Variants in NALF1 observed in about 807,000 individuals in gnomAD.
NALF1 encodes family with sequence similarity 155 member A.
Under a neutral mutation model 48.4 loss-of-function variants are expected in NALF1, and 3 were observed. That is an observed-to-expected ratio of 0.06 (90% CI 0.03 to 0.16). The LOEUF is 0.16. Among genes scored for constraint, NALF1 ranks in the 10% least tolerant of loss-of-function variants. The pLI is 1.00. For missense variants in NALF1, 526 were observed against 571.5 expected (o/e 0.92, Z 0.81); for synonymous variants, 262 against 245.7 (o/e 1.07, Z -0.62).
chr13:107,764,487 C>A (rs1348890755), intron 1 of NALF1, among the ~76,000 whole-genome samples: 1 of 151,986 alleles, frequency 6.6e-6, no homozygotes, highest in Non-Finnish European at 1.5e-5. Context: ...AGGAAGACTT[C>A]GGCATGAATA....
At chr13:107,299,435 CAATAATAATAAT>C (rs549026613) in intron 1 of NALF1, among the ~76,000 whole-genome samples, 4 of 124,146 alleles carry the variant, frequency 3.2e-5, no homozygotes, top group African/African-American at 1.1e-4. Flanking sequence ...GACTTTGTCT[CAATAATAATAAT>C]AATAATAATA....
intron 1 of NALF1, among the ~76,000 whole-genome samples, chr13:107,385,319 G>A (rs916389241): frequency 3.9e-5 from 6 of 152,196 alleles, no homozygotes; most frequent in Admixed American, 2.0e-4. Context: ...TTGGGAGGCC[G>A]AGGAGGGTGG....
chr13:107,345,084 TACAC>T (rs748499216), intron 1 of NALF1, among the ~76,000 whole-genome samples: 1 of 150,188 alleles, frequency 6.7e-6, no homozygotes, highest in African/African-American at 2.4e-5. Context: ...TAATAGCAGC[TACAC>T]ACACACACAC....
chr13:107,357,297 C>G (rs974843602), intron 1 of NALF1, among the ~76,000 whole-genome samples: 1 of 152,038 alleles, frequency 6.6e-6, no homozygotes, highest in African/African-American at 2.4e-5. Context: ...GGGGAAGAGT[C>G]CCTTATAAAA....
At chr13:107,582,319 C>T (rs148142743) in intron 1 of NALF1, among the ~76,000 whole-genome samples, 101 of 152,260 alleles carry the variant, frequency 6.6e-4, no homozygotes, top group African/African-American at 2.2e-3. Context: ...AAGAAACACA[C>T]AAATACCACA....
At chr13:107,631,707 G>C (rs925860301) in intron 1 of NALF1, among the ~76,000 whole-genome samples, 2 of 152,002 alleles carry the variant, frequency 1.3e-5, no homozygotes, top group Non-Finnish European at 2.9e-5. Flanking sequence ...CAAGCAGCAA[G>C]ACAATTGGTT....
At chr13:107,754,984 A>T (rs1200443437) in intron 1 of NALF1, among the ~76,000 whole-genome samples, 1 of 152,232 alleles carries the variant, frequency 6.6e-6, no homozygotes, top group Non-Finnish European at 1.5e-5. Context: ...GTCTTCTGGT[A>T]AATTGTATGT....
chr13:107,864,948 G>T (rs1880669230), intron 1 of NALF1, among the ~76,000 whole-genome samples: 2 of 152,048 alleles, frequency 1.3e-5, no homozygotes, highest in African/African-American at 4.8e-5. Flanking sequence ...AATACTTCTG[G>T]AAAGCATACT....
intron 1 of NALF1, among the ~76,000 whole-genome samples, chr13:107,793,986 AGAC>A (rs1878329652): frequency 6.6e-6 from 1 of 152,188 alleles, no homozygotes; most frequent in East Asian, 1.9e-4. Context: ...ATATGTCTGT[AGAC>A]CTATTCATTC....
intron 1 of NALF1, among the ~76,000 whole-genome samples, chr13:107,527,137 A>C (rs2139102980): frequency 6.6e-6 from 1 of 152,280 alleles, no homozygotes; most frequent in South Asian, 2.1e-4. Context: ...TAAGGAAAAA[A>C]ATAAATGTCA....
At chr13:107,342,393 AT>A (rs1435700899) in intron 1 of NALF1, among the ~76,000 whole-genome samples, 1 of 152,222 alleles carries the variant, frequency 6.6e-6, no homozygotes, top group Non-Finnish European at 1.5e-5. Flanking sequence ...TTGCATTAAA[AT>A]GTTACAAAAC....
chr13:107,509,184 G>T (rs1875800701), intron 1 of NALF1, among the ~76,000 whole-genome samples: 1 of 151,998 alleles, frequency 6.6e-6, no homozygotes, highest in African/African-American at 2.4e-5. Flanking sequence ...TTCTCTTTTA[G>T]TAGTATATTT....
chr13:107,620,925 T>C (rs560170182), intron 1 of NALF1, among the ~76,000 whole-genome samples: 1 of 152,298 alleles, frequency 6.6e-6, no homozygotes, highest in African/African-American at 2.4e-5. Flanking sequence ...TTGGTTTATT[T>C]GAAGAGAAAT....
chr13:107,363,047 G>A (rs531123497), intron 1 of NALF1, among the ~76,000 whole-genome samples: 16 of 152,142 alleles, frequency 1.1e-4, no homozygotes, highest in Non-Finnish European at 1.9e-4. Context: ...AACAATGCCT[G>A]AAATTCTACT....
chr13:107,851,320 G>A (rs1482949874), intron 1 of NALF1, among the ~76,000 whole-genome samples: 1 of 151,532 alleles, frequency 6.6e-6, no homozygotes, highest in Non-Finnish European at 1.5e-5. Flanking sequence ...TTGCACATCT[G>A]GAAAAGTTCA....
At chr13:107,706,382 T>A (rs762078204) in intron 1 of NALF1, among the ~76,000 whole-genome samples, 24 of 152,226 alleles carry the variant, frequency 1.6e-4, no homozygotes, top group Non-Finnish European at 2.4e-4. Context: ...AGACAGATTC[T>A]ATCAGCAGTT....
At chr13:107,740,606 T>C (rs1876603585) in intron 1 of NALF1, among the ~76,000 whole-genome samples, 1 of 152,170 alleles carries the variant, frequency 6.6e-6, no homozygotes, top group Non-Finnish European at 1.5e-5. Flanking sequence ...AAACTAAAAG[T>C]GTTTACCTAT....
At chr13:107,548,853 T>TA (rs1877209831) in intron 1 of NALF1, among the ~76,000 whole-genome samples, 1 of 151,870 alleles carries the variant, frequency 6.6e-6, no homozygotes, top group Admixed American at 6.6e-5. Context: ...ATAAATAAAA[T>TA]AAAAAATTTT....
At chr13:107,175,950 T>C (rs1401704336) in intron 2 of NALF1, among the ~76,000 whole-genome samples, 2 of 152,090 alleles carry the variant, frequency 1.3e-5, no homozygotes, top group Non-Finnish European at 2.9e-5. Flanking sequence ...CTTCAGATTT[T>C]TTTCCCTCTA....
Sources: allele counts gnomAD v4.1 joint callset (sites outside exome capture counted in the v4.1 genomes callset), GRCh38; gene constraint gnomAD v4.1.1; transcripts MANE v1.5; gene names NCBI Gene and HGNC (gene_info 2026-07-23, HGNC 2026-07-21).